The following STAG1 variants were observed in gnomAD, a reference collection of about 807,000 sequenced individuals.
STAG1 encodes the protein cohesin subunit SA-1.
STAG1 carries 26 observed loss-of-function variants against 170.9 expected under a neutral mutation model. The ratio of observed to expected loss-of-function variants is 0.15; its 90% CI spans 0.11 to 0.21. The LOEUF (loss-of-function observed/expected upper bound fraction) is 0.21. STAG1 is among the 10% of genes least tolerant of loss of function. The pLI, the probability that STAG1 is intolerant of heterozygous loss-of-function variation, is 1.00. For synonymous variants in STAG1, 514 were observed against 497.7 expected (o/e 1.03, Z -0.44); for missense variants, 964 against 1,509.5 (o/e 0.64, Z 5.99).
At chr3:136,542,006 AAT>A in intron 6 of STAG1, 111 bp downstream of exon 6, 1 of 768,380 alleles carries the variant, frequency 1.3e-6, no homozygotes, top group African/African-American at 1.8e-5. Context: ...ATAATTAAAA[AAT>A]AGATTTTCAG....
intron 4 of STAG1, among the ~76,000 whole-genome samples, chr3:136,577,149 C>A (rs1937494853): frequency 6.6e-6 from 1 of 152,142 alleles, no homozygotes; most frequent in Non-Finnish European, 1.5e-5. Flanking sequence ...GTAAAGGCAG[C>A]AGGGTTAAGA....
chr3:136,709,725 A>ATC (rs1943332871), intron 1 of STAG1, among the ~76,000 whole-genome samples: 1 of 151,670 alleles, frequency 6.6e-6, no homozygotes, highest in Admixed American at 6.6e-5. Context: ...ACAGAACAAG[A>ATC]CCCTCTCTCT....
intron 1 of STAG1, among the ~76,000 whole-genome samples, chr3:136,698,344 A>AG (rs1942957688): frequency 6.6e-6 from 1 of 152,206 alleles, no homozygotes. Context: ...AAAGACATGA[A>AG]GAGACATTTC....
At chr3:136,398,500 C>G (rs111412702) in intron 22 of STAG1, among the ~76,000 whole-genome samples, 1 of 151,636 alleles carries the variant, frequency 6.6e-6, no homozygotes, top group Non-Finnish European at 1.5e-5. Context: ...AGTTTTAATC[C>G]GTGTGTGTGT....
rs11338336 is a variant in STAG1, at chr3:136,573,194, T to TA, written c.298-4334dup. Among the ~76,000 whole-genome samples, 438 of 142,738 alleles carry TA rather than the reference T, an allele frequency of 3.1e-3. 1 individual carries two copies. The highest frequency in any genetic ancestry group is 9.8e-3 in the African/African-American group (386 of 39,398). The allele number at this position is 142,738 out of a possible 152,430, so 93.6% of individuals were successfully genotyped here. ...CCTTATCTTTAAAAAAGAAAAGGAT[T>TA]AAAAAAAAAAAAAAGAATTAAACTT... On this transcript the variant is annotated intron_variant, in intron 4 of 33. Transcript: ENST00000383202.
intron 1 of STAG1, among the ~76,000 whole-genome samples, chr3:136,710,856 C>G (rs562071984): frequency 2.6e-4 from 39 of 151,990 alleles, no homozygotes; most frequent in Admixed American, 1.8e-3. Context: ...TTTACCCAGT[C>G]CTGCTTGAAA....
chr3:136,626,948 C>T (rs1162486604), intron 2 of STAG1, among the ~76,000 whole-genome samples: 1 of 152,110 alleles, frequency 6.6e-6, no homozygotes. Context: ...TACTATGTTT[C>T]GTATTTATCT....
chr3:136,507,810 C>G (rs1933844930), intron 7 of STAG1, among the ~76,000 whole-genome samples: 1 of 151,964 alleles, frequency 6.6e-6, no homozygotes, highest in African/African-American at 2.4e-5. Flanking sequence ...GATTGAGTGT[C>G]AAGATAACTC....
At chr3:136,540,255 T>C (rs1224447757) in intron 6 of STAG1, among the ~76,000 whole-genome samples, 2 of 151,886 alleles carry the variant, frequency 1.3e-5, no homozygotes, top group South Asian at 2.1e-4. Context: ...TAGCCTCAAA[T>C]ATCTAGTAAG....
At chr3:136,545,109 C>T (rs947284877) in intron 5 of STAG1, among the ~76,000 whole-genome samples, 3 of 151,880 alleles carry the variant, frequency 2.0e-5, no homozygotes, top group East Asian at 1.9e-4. Flanking sequence ...AGTGCAATGG[C>T]GCGATCTCAG....
Position 136,470,430 on chromosome 3 carries a change from A to T in STAG1, c.1205+1983T>A, listed in dbSNP as rs370136897. ...TCAGAGAAATGCAAATCAAAACCAC[A>T]ATGAGATACCATCTCACACCAGTTA... On this transcript the variant is annotated intron_variant, in intron 12 of 33. Coordinates refer to ENST00000383202, the MANE Select transcript of STAG1 (RefSeq NM_005862.3). 2.7e-4 allele frequency among the ~76,000 whole-genome samples: 41 copies of T among 152,348 alleles called. No individual in the cohort carries two copies. The South Asian group carries it at 6.4e-3, about 24-fold the overall frequency.
At chr3:136,462,215 T>C (rs1038734761) in intron 13 of STAG1, among the ~76,000 whole-genome samples, 3 of 152,046 alleles carry the variant, frequency 2.0e-5, no homozygotes, top group East Asian at 1.9e-4. Context: ...AAGAAAAAAA[T>C]CAGCATATCA....
At chr3:136,461,380 A>T (rs1472486464) in intron 13 of STAG1, among the ~76,000 whole-genome samples, 2 of 152,196 alleles carry the variant, frequency 1.3e-5, no homozygotes, top group Non-Finnish European at 2.9e-5. Context: ...AAAGAAGTCA[A>T]ATCATCTTTG....
chr3:136,431,387 C>T (rs1172567304), intron 16 of STAG1, among the ~76,000 whole-genome samples: 1 of 152,122 alleles, frequency 6.6e-6, no homozygotes, highest in Non-Finnish European at 1.5e-5. Context: ...ATTCTCCTGC[C>T]TCAGCCTTCC....
chr3:136,345,404 A>G (rs181096080), intron 29 of STAG1, among the ~76,000 whole-genome samples: 1 of 151,344 alleles, frequency 6.6e-6, no homozygotes, highest in Non-Finnish European at 1.5e-5. Context: ...TAAAGATTTG[A>G]GCAGATTAAA....
At chr3:136,642,488 T>C (rs1035423707) in intron 1 of STAG1, among the ~76,000 whole-genome samples, 4 of 151,850 alleles carry the variant, frequency 2.6e-5, no homozygotes, top group African/African-American at 9.7e-5. Context: ...GTCAGGCTGG[T>C]CTCAAACTCC....
chr3:136,742,400 A>C (rs1263541887), intron 1 of STAG1, among the ~76,000 whole-genome samples: 2 of 151,944 alleles, frequency 1.3e-5, no homozygotes, highest in Non-Finnish European at 2.9e-5. Context: ...AGTTATCTAG[A>C]ATAATCCCAA....
chr3:136,536,518 T>C (rs1183805244), intron 6 of STAG1, among the ~76,000 whole-genome samples: 1 of 151,984 alleles, frequency 6.6e-6, no homozygotes, highest in Non-Finnish European at 1.5e-5. Flanking sequence ...CTGTCCAATA[T>C]GGTGAAACCT....
At chr3:136,460,377 G>T (rs2089238435) in intron 13 of STAG1, among the ~76,000 whole-genome samples, 1 of 152,132 alleles carries the variant, frequency 6.6e-6, no homozygotes, top group African/African-American at 2.4e-5. Flanking sequence ...CAAGGTGGGT[G>T]AATCACCTGA....
Sources: gnomAD v4.1 joint callset for allele counts (sites outside exome capture counted in the v4.1 genomes callset) on GRCh38, gnomAD v4.1.1 for gene constraint, MANE v1.5 for transcripts, NCBI Gene and HGNC (gene_info 2026-07-23, HGNC 2026-07-21) for gene names.